Variants in CTNNA1 observed in about 807,000 individuals in gnomAD.
CTNNA1 encodes the protein catenin alpha 1.
In CTNNA1, 37 loss-of-function variants were observed where a neutral mutation model predicts 98.4. The ratio of observed to expected loss-of-function variants is 0.38; its 90% CI spans 0.29 to 0.49. CTNNA1 has a LOEUF of 0.49. Among genes scored for constraint, CTNNA1 ranks in the 20% least tolerant of loss-of-function variants. The pLI, the probability that CTNNA1 is intolerant of heterozygous loss-of-function variation, is 0.95. For missense variants in CTNNA1, 761 were observed against 1,147.2 expected, an observed-to-expected ratio of 0.66 and a Z score of 4.86; for synonymous variants, 404 against 413.2, an observed-to-expected ratio of 0.98 and a Z score of 0.27.
chr5:138,759,092 C>T (rs549696599), intron 1 of CTNNA1, among the ~76,000 whole-genome samples: 1 of 152,168 alleles, frequency 6.6e-6, no homozygotes, highest in African/African-American at 2.4e-5. Flanking sequence ...CATGAGCCAC[C>T]GTGCCCAGCA....
chr5:138,772,479 A>G (rs1207402500), intron 1 of CTNNA1, among the ~76,000 whole-genome samples: 2 of 152,244 alleles, frequency 1.3e-5, no homozygotes, highest in East Asian at 1.9e-4. Context: ...ACTCTGAACA[A>G]TACCATTAAT....
rs1581105979 is a variant in CTNNA1, at chr5:138,810,211, A to G, written c.468+7A>G. On this transcript the variant is annotated splice_region_variant and intron_variant, in intron 4 of 17. Transcript: ENST00000302763. ...ACTTGTTCAGCTGAAAGTTGTAAGT[A>G]TACAGGCCTATGTCTGTAATTTGTT... 1.2e-6 allele frequency: 2 copies of G among 1,612,542 alleles called. No individual in the cohort carries two copies. The highest frequency in any genetic ancestry group is 1.7e-6 in the Non-Finnish European group (2 of 1,178,624).
intron 7 of CTNNA1, among the ~76,000 whole-genome samples, chr5:138,830,714 A>G (rs952756571): frequency 2.6e-5 from 4 of 152,342 alleles, no homozygotes; most frequent in African/African-American, 7.2e-5. Context: ...CATTCTGAGT[A>G]TGTGACACAT....
intron 11 of CTNNA1, among the ~76,000 whole-genome samples, chr5:138,919,715 T>G (rs929183978): frequency 5.3e-5 from 8 of 152,168 alleles, no homozygotes; most frequent in African/African-American, 7.2e-5. Flanking sequence ...GGTGGTGGTG[T>G]TTTCAGAGCA....
intron 8 of CTNNA1, 128 bp from the exon 9 acceptor site, chr5:138,887,362 G>C: frequency 1.2e-5 from 7 of 608,550 alleles, no homozygotes; most frequent in Non-Finnish European, 2.0e-5. Flanking sequence ...TACATGAGGG[G>C]TCCTCATGTA....
intron 10 of CTNNA1, among the ~76,000 whole-genome samples, chr5:138,907,316 G>A (rs1228567484): frequency 6.6e-6 from 1 of 152,122 alleles, no homozygotes; most frequent in Non-Finnish European, 1.5e-5. Flanking sequence ...CACCACGCCC[G>A]GCCCCCTACA....
chr5:138,897,050 A>G (rs28363454), intron 9 of CTNNA1, among the ~76,000 whole-genome samples: 1,691 of 151,308 alleles, frequency 0.011, 28 homozygotes, highest in African/African-American at 0.039. Flanking sequence ...AATCCTGCCT[A>G]TAAAAATGAT....
chr5:138,836,618 A>G (rs962612636), intron 7 of CTNNA1, among the ~76,000 whole-genome samples: 3 of 152,192 alleles, frequency 2.0e-5, no homozygotes, highest in African/African-American at 7.2e-5. Flanking sequence ...TGCTGGCCTG[A>G]TGGAGCAGTA....
chr5:138,757,561 A>G (rs1380586225), intron 1 of CTNNA1, among the ~76,000 whole-genome samples: 1 of 152,168 alleles, frequency 6.6e-6, no homozygotes, highest in Non-Finnish European at 1.5e-5. Flanking sequence ...ACCTTTCATG[A>G]TGAGCTTTTA....
chr5:138,787,826 A>G (rs1755880403), intron 3 of CTNNA1, among the ~76,000 whole-genome samples: 1 of 152,216 alleles, frequency 6.6e-6, no homozygotes, highest in Admixed American at 6.5e-5. Context: ...TGAGTATACT[A>G]AAATTTCACC....
intron 11 of CTNNA1, among the ~76,000 whole-genome samples, chr5:138,922,713 C>T (rs1763170638): frequency 6.6e-6 from 1 of 152,150 alleles, no homozygotes; most frequent in South Asian, 2.1e-4. Flanking sequence ...CCATCAGGTT[C>T]AGTTGTGGAG....
At chr5:138,838,257 A>G (rs1043403595) in intron 7 of CTNNA1, among the ~76,000 whole-genome samples, 2 of 152,252 alleles carry the variant, frequency 1.3e-5, no homozygotes, top group African/African-American at 4.8e-5. Flanking sequence ...TTCAGTAGAT[A>G]TAAAACTAAG....
At chr5:138,884,585 A>G (rs1468997656) in intron 7 of CTNNA1, among the ~76,000 whole-genome samples, 1 of 152,184 alleles carries the variant, frequency 6.6e-6, no homozygotes, top group Non-Finnish European at 1.5e-5. Context: ...CTGTCATGTG[A>G]TGTTATACTA....
chr5:138,795,654 T>C (rs1186523849), intron 3 of CTNNA1, among the ~76,000 whole-genome samples: 2 of 152,148 alleles, frequency 1.3e-5, no homozygotes, highest in African/African-American at 2.4e-5. Context: ...GGGCTGGATG[T>C]TTTTTACTCT....
At chr5:138,932,810 A>C (rs1041233924) in intron 17 of CTNNA1, 98 bp downstream of exon 17, 3 of 1,455,996 alleles carry the variant, frequency 2.1e-6, no homozygotes, top group Non-Finnish European at 1.9e-6. Context: ...CTGCCCTGGG[A>C]AAGTGTGCTG....
intron 9 of CTNNA1, among the ~76,000 whole-genome samples, chr5:138,900,267 T>C (rs1231919204): frequency 6.6e-6 from 1 of 152,232 alleles, no homozygotes; most frequent in Non-Finnish European, 1.5e-5. Context: ...ATGAATGTTT[T>C]GAACTCTGTT....
chr5:138,872,027 A>AGTGTGTGTGTGTGTGTGTGTGT (rs370259988), intron 7 of CTNNA1: 1 of 133,066 alleles, frequency 7.5e-6, no homozygotes. Context: ...AGAGCGCGAG[A>AGTGTGTGTGTGTGTGTGTGTGT]GTGTGTGTGT....
intron 3 of CTNNA1, among the ~76,000 whole-genome samples, chr5:138,783,926 T>G (rs1296367180): frequency 6.6e-6 from 1 of 152,240 alleles, no homozygotes; most frequent in East Asian, 1.9e-4. Flanking sequence ...TATAAAGGAA[T>G]CATGTTTTGG....
chr5:138,832,189 T>C (rs1383318564), intron 7 of CTNNA1, among the ~76,000 whole-genome samples: 2 of 152,226 alleles, frequency 1.3e-5, no homozygotes, highest in Non-Finnish European at 2.9e-5. Flanking sequence ...CTTAATGTTA[T>C]TGCTTGCATA....
Sources: allele counts gnomAD v4.1 joint callset (sites outside exome capture counted in the v4.1 genomes callset), GRCh38; gene constraint gnomAD v4.1.1; transcripts MANE v1.5; gene names NCBI Gene and HGNC (gene_info 2026-07-23, HGNC 2026-07-21).